The following PRKAG2 variants were observed in gnomAD, a reference collection of about 807,000 sequenced individuals.
PRKAG2 encodes the protein 5'-AMP-activated protein kinase subunit gamma-2.
PRKAG2 carries 26 observed loss-of-function variants against 69.6 expected under a neutral mutation model. That is an observed-to-expected ratio of 0.37 (90% confidence interval 0.27 to 0.52). The LOEUF is 0.52. Ranked by LOEUF, PRKAG2 falls within the 20% of genes least tolerant of loss-of-function variation. PRKAG2 has a pLI of 0.90. For missense variants in PRKAG2, 557 were observed against 740.0 expected (o/e 0.75, Z 2.87); for synonymous variants, 293 against 285.0 (o/e 1.03, Z -0.28).
chr7:151,669,767 T>C (rs890480413), intron 4 of PRKAG2, among the ~76,000 whole-genome samples: 1 of 149,550 alleles, frequency 6.7e-6, no homozygotes, highest in African/African-American at 2.5e-5. Flanking sequence ...CACACACACC[T>C]GTGCACACAC....
intron 8 of PRKAG2, among the ~76,000 whole-genome samples, chr7:151,573,614 C>CA (rs1248911262): frequency 6.6e-6 from 1 of 152,078 alleles, no homozygotes; most frequent in Non-Finnish European, 1.5e-5. Context: ...TCTATCTATT[C>CA]AAAAATCACA....
chr7:151,645,317 T>C (rs1231507779), intron 4 of PRKAG2, among the ~76,000 whole-genome samples: 1 of 152,210 alleles, frequency 6.6e-6, no homozygotes, highest in African/African-American at 2.4e-5. Flanking sequence ...GAACTAAGGC[T>C]CTCAGTCTAA....
At chr7:151,820,374 C>T (rs1192005791) in intron 1 of PRKAG2, among the ~76,000 whole-genome samples, 2 of 152,254 alleles carry the variant, frequency 1.3e-5, no homozygotes, top group South Asian at 2.1e-4. Context: ...CTTTGACTTC[C>T]GTCATTTTGA....
chr7:151,694,998 G>C (rs1420434769), intron 3 of PRKAG2, among the ~76,000 whole-genome samples: 1 of 152,266 alleles, frequency 6.6e-6, no homozygotes, highest in East Asian at 1.9e-4. Context: ...TGGGTCAGCA[G>C]GCCCGGGCAG....
At chr7:151,751,117 AGACGGAGTCT>A (rs2074646751) in intron 3 of PRKAG2, among the ~76,000 whole-genome samples, 1 of 92,616 alleles carries the variant, frequency 1.1e-5, no homozygotes, top group South Asian at 3.1e-4. Flanking sequence ...TTTTTTTTTG[AGACGGAGTCT>A]CACTCTGTCG....
chr7:151,778,620 G>A (rs1002543921), intron 3 of PRKAG2, among the ~76,000 whole-genome samples: 10 of 152,214 alleles, frequency 6.6e-5, no homozygotes, highest in African/African-American at 2.4e-4. Flanking sequence ...CGGGGCCTTG[G>A]CTGTCCCCAG....
intron 1 of PRKAG2, among the ~76,000 whole-genome samples, chr7:151,837,964 G>A (rs762070184): frequency 3.9e-5 from 6 of 152,176 alleles, no homozygotes; most frequent in Non-Finnish European, 8.8e-5. Flanking sequence ...GGCCGCGCCT[G>A]GGCCTTGGAG....
intron 3 of PRKAG2, among the ~76,000 whole-genome samples, chr7:151,677,795 C>T (rs925838917): frequency 7.2e-5 from 11 of 152,182 alleles, no homozygotes; most frequent in African/African-American, 7.2e-5. Flanking sequence ...GCCTTACTTC[C>T]GCTTTCTGTG....
chr7:151,872,618 C>T (rs2080243531), intron 1 of PRKAG2, among the ~76,000 whole-genome samples: 1 of 152,252 alleles, frequency 6.6e-6, no homozygotes. Flanking sequence ...CAGGTCAGAA[C>T]TTCCCACTGA....
intron 3 of PRKAG2, among the ~76,000 whole-genome samples, chr7:151,713,511 A>C (rs532443755): frequency 3.9e-5 from 6 of 152,302 alleles, no homozygotes; most frequent in African/African-American, 1.4e-4. Context: ...ACAGAACAGA[A>C]TAATGAACTC....
At chr7:151,866,201 G>A (rs2080074311) in intron 1 of PRKAG2, among the ~76,000 whole-genome samples, 1 of 152,120 alleles carries the variant, frequency 6.6e-6, no homozygotes, top group South Asian at 2.1e-4. Context: ...CCCTCTCTGG[G>A]CCCACCGTCC....
chr7:151,781,182 C>T lies in PRKAG2; in HGVS notation c.436G>A (p.Gly146Ser). ...PNSNPATSPG[G>S]IRFFSRSRKT... ...CTGGAGCGGGAGAAAAACCTGATGCCCCCGGGCGAGGTAGCAGGGTTGGAG... is the reference window on the plus strand; with the variant it reads ...CTGGAGCGGGAGAAAAACCTGATGCTCCCGGGCGAGGTAGCAGGGTTGGAG... The change falls in exon 3 of 16, where the codon GGC (glycine) becomes AGC (serine). Residue 146 changes from glycine to serine, a missense_variant. Transcript: ENST00000287878. The surrounding 1 kb of genome is among the most constrained non-coding windows in gnomAD (Gnocchi z 6.1). 1 of 1,614,016 alleles carries T rather than the reference C, an allele frequency of 6.2e-7. No homozygotes were observed. Among genetic ancestry groups the T allele is most frequent in the Non-Finnish European group, 8.5e-7 (1 of 1,180,028 alleles).
chr7:151,701,520 T>C (rs978926905), intron 3 of PRKAG2, among the ~76,000 whole-genome samples: 1 of 152,096 alleles, frequency 6.6e-6, no homozygotes, highest in Non-Finnish European at 1.5e-5. Flanking sequence ...GAAGCTGAGA[T>C]TGGAGCGGTG....
At chr7:151,712,388 A>G (rs1424820195) in intron 3 of PRKAG2, among the ~76,000 whole-genome samples, 1 of 151,820 alleles carries the variant, frequency 6.6e-6, no homozygotes, top group Admixed American at 6.6e-5. Flanking sequence ...CCTCTCCTCC[A>G]CTCCCTGGCA....
intron 1 of PRKAG2, among the ~76,000 whole-genome samples, chr7:151,819,188 G>T (rs922172925): frequency 6.6e-6 from 1 of 152,108 alleles, no homozygotes; most frequent in African/African-American, 2.4e-5. Flanking sequence ...CTCCACCTCC[G>T]AGGACCCAGC....
At chr7:151,785,730 C>G (rs2076972025) in intron 2 of PRKAG2, among the ~76,000 whole-genome samples, 1 of 152,174 alleles carries the variant, frequency 6.6e-6, no homozygotes, top group Non-Finnish European at 1.5e-5. Flanking sequence ...AAGCACGTCC[C>G]CTACCAGGCC....
intron 3 of PRKAG2, among the ~76,000 whole-genome samples, chr7:151,751,217 C>T (rs1272955459): frequency 2.0e-5 from 3 of 151,646 alleles, no homozygotes; most frequent in African/African-American, 7.3e-5. Flanking sequence ...CCTGCCTCAG[C>T]CTCCCAAGTA....
chr7:151,657,171 G>A (rs1231238419), intron 4 of PRKAG2, among the ~76,000 whole-genome samples: 1 of 151,942 alleles, frequency 6.6e-6, no homozygotes, highest in Non-Finnish European at 1.5e-5. Context: ...TTCATCAGCT[G>A]TTAACTGATT....
chr7:151,825,214 C>A (rs1165436905), intron 1 of PRKAG2, among the ~76,000 whole-genome samples: 1 of 151,274 alleles, frequency 6.6e-6, no homozygotes, highest in East Asian at 1.9e-4. Context: ...ACTCTGTCTC[C>A]AAAAAAAACA....
Sources: gnomAD v4.1 joint callset for allele counts (sites outside exome capture counted in the v4.1 genomes callset) on GRCh38, gnomAD v4.1.1 for gene constraint, Gnocchi (gnomAD v3.1) non-coding constraint, MANE v1.5 for transcripts, NCBI Gene and HGNC (gene_info 2026-07-23, HGNC 2026-07-21) for gene names.